The following MACROD2 variants were observed in gnomAD, a reference collection of about 807,000 sequenced individuals.
The protein encoded by MACROD2 is ADP-ribose glycohydrolase MACROD2.
MACROD2 carries 36 observed loss-of-function variants against 70.4 expected under a neutral mutation model. The ratio of observed to expected loss-of-function variants is 0.51; its 90% CI spans 0.39 to 0.68. MACROD2 has a LOEUF of 0.68. MACROD2 is among the 30% of genes least tolerant of loss of function. The probability of loss-of-function intolerance (pLI) is 0.00; values close to 1 mark genes in which losing one functional copy is unlikely to be tolerated. For synonymous variants in MACROD2, 172 were observed against 178.8 expected (o/e 0.96, Z 0.30); for missense variants, 496 against 538.4 (o/e 0.92, Z 0.78).
At chr20:14,549,322 T>C (rs1352970689) in intron 4 of MACROD2, among the ~76,000 whole-genome samples, 2 of 152,166 alleles carry the variant, frequency 1.3e-5, no homozygotes, top group African/African-American at 4.8e-5. Context: ...TATCATATTG[T>C]CCTAACAAAA....
chr20:15,721,392 C>T (rs4813189), intron 8 of MACROD2, among the ~76,000 whole-genome samples: 145,667 of 152,268 alleles, frequency 0.96, 69,869 homozygotes, highest in Middle Eastern at 0.98. Context: ...AAAAGATTAA[C>T]TTCCCAAATT....
Position 15,837,651 on chromosome 20 carries a change from T to G in MACROD2, c.646-25094T>G, listed in dbSNP as rs74727582. 3.2e-3 allele frequency among the ~76,000 whole-genome samples: 484 copies of G among 152,230 alleles called. 2 individuals carry two copies. The highest frequency in any genetic ancestry group is 6.0e-3 in the Non-Finnish European group (408 of 68,020). On this transcript the variant is annotated intron_variant, in intron 8 of 17. Coordinates refer to ENST00000684519, the MANE Select transcript of MACROD2 (RefSeq NM_001351661.2). ...TTTCTACCTCCAGAAACTCAAGAGT[T>G]TCTGGAAACTTGATTTGCCCCATAT...
chr20:15,709,012 T>C (rs1024823102), intron 8 of MACROD2, among the ~76,000 whole-genome samples: 1 of 152,130 alleles, frequency 6.6e-6, no homozygotes, highest in Non-Finnish European at 1.5e-5. Flanking sequence ...AGTGACACCC[T>C]ATCTCTAAAA....
chr20:14,241,026 G>C (rs952601626), intron 3 of MACROD2, among the ~76,000 whole-genome samples: 16 of 151,982 alleles, frequency 1.1e-4, no homozygotes, highest in African/African-American at 3.9e-4. Flanking sequence ...CTATTCAGGA[G>C]AATCACCTGA....
At chr20:14,438,695 C>T (rs1157867773) in intron 3 of MACROD2, among the ~76,000 whole-genome samples, 2 of 152,124 alleles carry the variant, frequency 1.3e-5, no homozygotes. Context: ...ACCAGTTAGC[C>T]ATTTTTATGT....
intron 3 of MACROD2, among the ~76,000 whole-genome samples, chr20:14,149,117 G>A (rs1429546983): frequency 2.6e-5 from 4 of 151,142 alleles, no homozygotes; most frequent in Admixed American, 6.6e-5. Context: ...TTTCAACCTT[G>A]TCCCTTCCCA....
chr20:14,919,876 G>A (rs998790468), intron 5 of MACROD2, among the ~76,000 whole-genome samples: 1 of 152,154 alleles, frequency 6.6e-6, no homozygotes, highest in Non-Finnish European at 1.5e-5. Flanking sequence ...GGCCCCATTA[G>A]CCCCTCCTTT....
chr20:15,317,535 A>G (rs942486933), intron 6 of MACROD2, among the ~76,000 whole-genome samples: 2 of 137,890 alleles, frequency 1.5e-5, no homozygotes, highest in Non-Finnish European at 3.1e-5. Context: ...CTGTCTATCT[A>G]TCTCTATCAA....
At position 15,729,831 on chromosome 20, in the gene MACROD2, C is replaced by CTTGTTTTTTTTTTT. The variant is rs2050918633; in HGVS notation, c.646-132912_646-132911insGTTTTTTTTTTTTT. The stretch of plus-strand genomic sequence containing the variant: ...GAACACAGCATGCAGTTGGGTCATG[C>CTTGTTTTTTTTTTT]TTTTTTTTTTTTTTTGGATGGAGTT... On this transcript the variant is annotated intron_variant, in intron 8 of 17. Coordinates refer to ENST00000684519, the MANE Select transcript of MACROD2 (RefSeq NM_001351661.2). 3.1e-5 allele frequency among the ~76,000 whole-genome samples: 2 copies of CTTGTTTTTTTTTTT among 64,772 alleles called. 1 individual carries two copies. The highest frequency in any genetic ancestry group is 5.6e-5 in the Non-Finnish European group (2 of 35,870). The allele number at this position is 64,772 out of a possible 152,430, so 42.5% of individuals were successfully genotyped here. A position where few individuals can be genotyped will look rare whatever the true frequency, so the allele number is the denominator to read the frequency against.
intron 3 of MACROD2, among the ~76,000 whole-genome samples, chr20:14,256,119 G>A (rs2082054390): frequency 6.6e-6 from 1 of 151,524 alleles, no homozygotes; most frequent in African/African-American, 2.4e-5. Context: ...TTTTCTTTTT[G>A]CCTTTTTATG....
intron 8 of MACROD2, among the ~76,000 whole-genome samples, chr20:15,751,205 A>C (rs1175057534): frequency 6.6e-6 from 1 of 152,106 alleles, no homozygotes; most frequent in South Asian, 2.1e-4. Flanking sequence ...GGATTTGATC[A>C]TTTATACCAC....
chr20:15,416,729 C>T (rs751770183), intron 6 of MACROD2, among the ~76,000 whole-genome samples: 14 of 151,754 alleles, frequency 9.2e-5, no homozygotes, highest in Non-Finnish European at 1.3e-4. Flanking sequence ...ATGGTGATAC[C>T]CCATCTCTAC....
chr20:15,624,201 A>C (rs2049169535), intron 8 of MACROD2, among the ~76,000 whole-genome samples: 1 of 152,202 alleles, frequency 6.6e-6, no homozygotes. Context: ...GCAGAGGAGA[A>C]AGGTGAGTGC....
chr20:14,505,251 T>C (rs2084956163), intron 4 of MACROD2, among the ~76,000 whole-genome samples: 1 of 152,202 alleles, frequency 6.6e-6, no homozygotes, highest in African/African-American at 2.4e-5. Flanking sequence ...TTGAAGTATG[T>C]ACAGTATATA....
At chr20:15,798,154 G>A (rs769336695) in intron 8 of MACROD2, among the ~76,000 whole-genome samples, 7 of 152,190 alleles carry the variant, frequency 4.6e-5, no homozygotes, top group Admixed American at 1.3e-4. Flanking sequence ...AGTTATTGTG[G>A]TAGTATAGCA....
chr20:14,938,636 C>T (rs2122699760), intron 5 of MACROD2, among the ~76,000 whole-genome samples: 1 of 152,126 alleles, frequency 6.6e-6, no homozygotes, highest in African/African-American at 2.4e-5. Context: ...CAAAAATTAG[C>T]CAGGCTTGAT....
intron 3 of MACROD2, among the ~76,000 whole-genome samples, chr20:14,261,254 T>C (rs981983720): frequency 1.1e-5 from 1 of 93,738 alleles, no homozygotes; most frequent in African/African-American, 3.0e-5. Flanking sequence ...GGAACATCAG[T>C]AAGTGAAGTT....
intron 15 of MACROD2, among the ~76,000 whole-genome samples, chr20:16,034,525 G>A (rs2147592051): frequency 6.6e-6 from 1 of 152,042 alleles, no homozygotes; most frequent in Non-Finnish European, 1.5e-5. Context: ...ATCCGAGCTT[G>A]GGAGTTAAAT....
chr20:15,908,320 G>C (rs73103522), intron 10 of MACROD2, among the ~76,000 whole-genome samples: 4,465 of 152,222 alleles, frequency 0.029, 104 homozygotes, highest in Admixed American at 0.056. Flanking sequence ...CAGCACTTGC[G>C]GGTGGCCTTC....
Sources: gnomAD v4.1 joint callset for allele counts (sites outside exome capture counted in the v4.1 genomes callset) on GRCh38, gnomAD v4.1.1 for gene constraint, MANE v1.5 for transcripts, NCBI Gene and HGNC (gene_info 2026-07-23, HGNC 2026-07-21) for gene names.